NEBL: variants seen among roughly 807,000 people sequenced by gnomAD.
The protein encoded by NEBL is LIM and SH3 protein 2.
A neutral mutation model predicts 140.2 loss-of-function variants in NEBL; 122 were observed. The observed-to-expected ratio is 0.87, with a 90% CI of 0.75 to 1.01. The LOEUF (loss-of-function observed/expected upper bound fraction) is 1.01. Among genes scored for constraint, NEBL ranks in the 50% least tolerant of loss-of-function variants. The pLI, the probability that NEBL is intolerant of heterozygous loss-of-function variation, is 0.00. For missense variants in NEBL, 1,365 were observed against 1,231.3 expected, an observed-to-expected ratio of 1.11 and a Z score of -1.62; for synonymous variants, 436 against 398.9, an observed-to-expected ratio of 1.09 and a Z score of -1.11.
At chr10:21,048,436 A>G (rs1589172786) in intron 2 of NEBL, among the ~76,000 whole-genome samples, 1 of 144,516 alleles carries the variant, frequency 6.9e-6, no homozygotes, top group East Asian at 2.0e-4. Flanking sequence ...ACTCTTAGAC[A>G]TAATAAATTT....
chr10:21,264,696 T>TAAAAA lies in NEBL; in HGVS notation n.183-12873_183-12869dup, dbSNP rs71392177. On this transcript the variant is annotated intron_variant and non_coding_transcript_variant, in intron 1 of 8. Transcript: ENST00000675702. ...CCCTTAATTTGTTCCAGTTGCTATT[T>TAAAAA]AAAAAAAAAAAAAAAAAAAAAAAAA... is the stretch of plus-strand genomic sequence containing the variant. Among the ~76,000 whole-genome samples the TAAAAA allele has an allele frequency of 6.5e-5, 2 of 30,724 alleles. 1 individual carries two copies. Among genetic ancestry groups the TAAAAA allele is most frequent in the Non-Finnish European group, 1.2e-4 (2 of 16,216 alleles). 20.2% of individuals were successfully genotyped at this position (30,724 alleles called of 152,430 possible).
intron 4 of NEBL, among the ~76,000 whole-genome samples, chr10:20,931,585 C>G (rs1834186560): frequency 6.6e-6 from 1 of 152,092 alleles, no homozygotes; most frequent in South Asian, 2.1e-4. Flanking sequence ...AAGTCCAGGC[C>G]TCCTGGGGGA....
At chr10:20,815,555 A>C in intron 22 of NEBL, 70 bp downstream of exon 22, 2 of 1,202,178 alleles carry the variant, frequency 1.7e-6, no homozygotes, top group Non-Finnish European at 1.2e-6. Flanking sequence ...TTCACAAGCA[A>C]AGGAGGACCG....
chr10:20,968,259 C>G (rs1424171387), intron 3 of NEBL, among the ~76,000 whole-genome samples: 1 of 151,732 alleles, frequency 6.6e-6, no homozygotes, highest in Non-Finnish European at 1.5e-5. Flanking sequence ...AATTGCAGGA[C>G]TTTGGGAGGC....
intron 3 of NEBL, among the ~76,000 whole-genome samples, chr10:20,994,995 AC>A (rs1837610168): frequency 6.6e-6 from 1 of 152,090 alleles, no homozygotes; most frequent in Admixed American, 6.5e-5. Context: ...CTGTAGTTAT[AC>A]CAAATTAACT....
chr10:20,815,793 G>A, intron 21 of NEBL, 76 bp from the exon 22 acceptor site: 1 of 1,086,436 alleles, frequency 9.2e-7, no homozygotes, highest in Non-Finnish European at 1.4e-6. Flanking sequence ...ATTTAAGACA[G>A]GGTCTTGCTC....
chr10:20,790,699 A>G (rs749407921), intron 26 of NEBL, among the ~76,000 whole-genome samples: 2 of 152,186 alleles, frequency 1.3e-5, no homozygotes, highest in South Asian at 2.1e-4. Context: ...CAATTTAAGA[A>G]GAGGCATAAA....
chr10:21,062,597 G>T (rs1835354194), intron 2 of NEBL, among the ~76,000 whole-genome samples: 1 of 152,194 alleles, frequency 6.6e-6, no homozygotes, highest in Non-Finnish European at 1.5e-5. Flanking sequence ...TGAGACAGGA[G>T]GATCGCTTGA....
intron 3 of NEBL, among the ~76,000 whole-genome samples, chr10:21,013,585 CATA>C (rs1363248327): frequency 1.3e-5 from 2 of 152,186 alleles, no homozygotes; most frequent in Non-Finnish European, 2.9e-5. Context: ...TGAGATAAGA[CATA>C]ATAAGAGGGC....
intron 5 of NEBL, among the ~76,000 whole-genome samples, chr10:20,871,099 A>G (rs1844885714): frequency 6.6e-6 from 1 of 152,254 alleles, no homozygotes; most frequent in African/African-American, 2.4e-5. Flanking sequence ...AGTCATGGAC[A>G]TTCTTAAAAC....
intron 14 of NEBL, among the ~76,000 whole-genome samples, chr10:20,834,649 T>A (rs771559319): frequency 1.3e-5 from 2 of 152,168 alleles, no homozygotes; most frequent in Non-Finnish European, 2.9e-5. Flanking sequence ...CTCAGGATAC[T>A]CCACTGAAGC....
intron 14 of NEBL, among the ~76,000 whole-genome samples, chr10:20,832,909 C>T (rs1046802670): frequency 6.6e-6 from 1 of 152,162 alleles, no homozygotes; most frequent in Non-Finnish European, 1.5e-5. Flanking sequence ...TCAATTATTA[C>T]TATGTCTACA....
intron 4 of NEBL, among the ~76,000 whole-genome samples, 168 bp downstream of exon 4, chr10:20,887,929 T>A (rs1426275781): frequency 5.9e-5 from 9 of 152,226 alleles, no homozygotes; most frequent in Non-Finnish European, 1.5e-5. Flanking sequence ...TCCTTTTCAT[T>A]TTCTGCAATT....
rs35627113 is a variant in NEBL at position 20,992,765 on chromosome 10, C to CT, written c.249+27351dup. ...AATCAGTCATTTGCAACTACAAAGTCTTTTTTTTTTTTTTTTTTTTTTTTT... is the reference window on the plus strand; with the variant it reads ...AATCAGTCATTTGCAACTACAAAGTCTTTTTTTTTTTTTTTTTTTTTTTTTT... On this transcript the variant is annotated intron_variant, in intron 3 of 6. Coordinates refer to the NEBL transcript ENST00000417816. Among the ~76,000 whole-genome samples the CT allele has an allele frequency of 5.9e-3, 311 of 52,454 alleles. 65 individuals are homozygous for CT. The highest frequency in any genetic ancestry group is 6.5e-3 in the Non-Finnish European group (204 of 31,466). 34.4% of individuals were successfully genotyped at this position (52,454 alleles called of 152,430 possible).
intron 3 of NEBL, among the ~76,000 whole-genome samples, chr10:20,993,888 C>T (rs1837566149): frequency 6.6e-6 from 1 of 152,160 alleles, no homozygotes; most frequent in South Asian, 2.1e-4. Context: ...GAATATAATA[C>T]ATTGGTTTAT....
chr10:21,201,437 A>C (rs1841734955), intron 3 of NEBL, among the ~76,000 whole-genome samples: 1 of 152,246 alleles, frequency 6.6e-6, no homozygotes. Context: ...AAGCATGATT[A>C]GCACATTTAT....
At chr10:21,285,607 T>C (rs1283382021) in intron 1 of NEBL, among the ~76,000 whole-genome samples, 2 of 152,246 alleles carry the variant, frequency 1.3e-5, no homozygotes, top group East Asian at 1.9e-4. Context: ...GGCTGTGTCA[T>C]GGGCATGTCC....
intron 2 of NEBL, 55 bp downstream of exon 2, chr10:20,896,903 T>C: frequency 4.9e-6 from 7 of 1,421,980 alleles, no homozygotes; most frequent in Non-Finnish European, 7.0e-6. Context: ...CTCTATAACA[T>C]AATAATACCA....
intron 3 of NEBL, among the ~76,000 whole-genome samples, chr10:21,186,973 G>C (rs1841483242): frequency 6.7e-6 from 1 of 149,864 alleles, no homozygotes; most frequent in African/African-American, 2.5e-5. Flanking sequence ...CACAGATACA[G>C]AGGGCCAACT....
Sources: gnomAD v4.1 joint callset for allele counts (sites outside exome capture counted in the v4.1 genomes callset) on GRCh38, gnomAD v4.1.1 for gene constraint, MANE v1.5 for transcripts, NCBI Gene and HGNC (gene_info 2026-07-23, HGNC 2026-07-21) for gene names.